COLGALT2: variants seen among roughly 807,000 people sequenced by gnomAD.
The protein encoded by COLGALT2 is collagen beta(1-O)galactosyltransferase 2.
In COLGALT2, 49 loss-of-function variants were observed where a neutral mutation model predicts 73.4. The ratio of observed to expected loss-of-function variants is 0.67; its 90% CI spans 0.53 to 0.85. The LOEUF is 0.85. Ranked by LOEUF, COLGALT2 falls within the 40% of genes least tolerant of loss-of-function variation. The pLI is 0.00. For synonymous variants in COLGALT2, 295 were observed against 307.6 expected (o/e 0.96, Z 0.43); for missense variants, 722 against 790.2 (o/e 0.91, Z 1.03).
At chr1:183,964,092 A>G (rs1670798495) in intron 5 of COLGALT2, 72 bp from the exon 6 acceptor site, 2 of 1,544,670 alleles carry the variant, frequency 1.3e-6, no homozygotes, top group African/African-American at 1.4e-5. Context: ...AGGAGAAGGA[A>G]CCTGAACTGT....
chr1:183,988,630 G>C (rs1472794724), intron 1 of COLGALT2, among the ~76,000 whole-genome samples: 1 of 152,124 alleles, frequency 6.6e-6, no homozygotes, highest in African/African-American at 2.4e-5. Context: ...TTTGCATACT[G>C]TTTTCAAGGT....
downstream of COLGALT2, among the ~76,000 whole-genome samples, chr1:183,932,088 T>C (rs984948355): frequency 6.6e-6 from 1 of 152,196 alleles, no homozygotes; most frequent in Non-Finnish European, 1.5e-5. Flanking sequence ...GCCAGCTTTA[T>C]GTATCAGGCT....
Position 184,010,821 on chromosome 1 carries a change from C to A in COLGALT2, c.263+26274G>T, listed in dbSNP as rs192838989. 1.0e-3 allele frequency among the ~76,000 whole-genome samples: 154 copies of A among 152,314 alleles called. 2 individuals carry two copies. The highest frequency in any genetic ancestry group is 3.2e-4 in the Non-Finnish European group (22 of 68,028). ...GCCTTTGCTCCAAAAGTACTGGCCA[C>A]CTTTCACAACGGCATCAATGGAATC... On this transcript the variant is annotated intron_variant, in intron 1 of 11. Transcript: ENST00000361927.
chr1:184,003,841 G>T (rs545110589), intron 1 of COLGALT2, among the ~76,000 whole-genome samples: 1 of 152,220 alleles, frequency 6.6e-6, no homozygotes, highest in Admixed American at 6.5e-5. Flanking sequence ...AGACAAGCAG[G>T]TCTGCCGGCT....
At chr1:183,968,844 C>T (rs1459445581) in intron 5 of COLGALT2, among the ~76,000 whole-genome samples, 1 of 152,234 alleles carries the variant, frequency 6.6e-6, no homozygotes, top group Non-Finnish European at 1.5e-5. Context: ...AACAAAGCCA[C>T]TACAGCAGCT....
chr1:183,941,417 G>GC (rs772631485), intron 10 of COLGALT2, among the ~76,000 whole-genome samples: 3 of 152,266 alleles, frequency 2.0e-5, no homozygotes, highest in East Asian at 3.9e-4. Context: ...TCTGAGAAAG[G>GC]CCCCCCAGGC....
At chr1:184,035,020 A>G (rs988659430) in intron 1 of COLGALT2, among the ~76,000 whole-genome samples, 1 of 152,226 alleles carries the variant, frequency 6.6e-6, no homozygotes, top group African/African-American at 2.4e-5. Flanking sequence ...TTTTCAAAGA[A>G]GAGTCTTCAA....
At position 183,944,155 on chromosome 1, in the gene COLGALT2, T is replaced by C. The variant is rs766516851; in HGVS notation, c.1397+41A>G. On this transcript the variant is annotated intron_variant, in intron 10 of 11. Transcript: ENST00000361927. ...TCTCTGCGCATTGGAAAGGACTGAGTGCCTCTCAGAGCCCTCTCGTAAGAT... is the reference window on the plus strand; with the variant it reads ...TCTCTGCGCATTGGAAAGGACTGAGCGCCTCTCAGAGCCCTCTCGTAAGAT... The C allele has an allele frequency of 1.9e-6, 3 of 1,580,944 alleles. No individual in the cohort carries two copies. In the East Asian group the frequency reaches 6.8e-5, roughly 36 times the overall value.
chr1:183,933,408 C>T (rs1007441555), downstream of COLGALT2, among the ~76,000 whole-genome samples: 1 of 152,228 alleles, frequency 6.6e-6, no homozygotes, highest in Non-Finnish European at 1.5e-5. Context: ...CAACTCTGCT[C>T]ATGGTTTCCT....
At chr1:184,011,572 C>T (rs1008419912) in intron 1 of COLGALT2, among the ~76,000 whole-genome samples, 2 of 152,168 alleles carry the variant, frequency 1.3e-5, no homozygotes, top group Admixed American at 6.5e-5. Flanking sequence ...GGTGCAAACC[C>T]GGCTTCCTTG....
At chr1:183,953,438 G>C (rs1437718047) in intron 7 of COLGALT2, among the ~76,000 whole-genome samples, 1 of 152,144 alleles carries the variant, frequency 6.6e-6, no homozygotes, top group Non-Finnish European at 1.5e-5. Flanking sequence ...ACCGGAACTG[G>C]AAGATCCTGG....
At chr1:183,982,554 G>A (rs1451787401) in intron 1 of COLGALT2, among the ~76,000 whole-genome samples, 1 of 152,138 alleles carries the variant, frequency 6.6e-6, no homozygotes, top group Admixed American at 6.5e-5. Flanking sequence ...TTAAAACTAA[G>A]CAAAACAAAA....
intron 11 of COLGALT2, chr1:183,930,404 TTA>T: frequency 9.8e-6 from 4 of 406,142 alleles, no homozygotes; most frequent in South Asian, 1.8e-5. Context: ...TAATTTAATT[TTA>T]TTTTTTGGAC....
intron 6 of COLGALT2, 112 bp from the exon 7 acceptor site, chr1:183,954,950 C>T (rs566632459): frequency 1.2e-6 from 1 of 805,584 alleles, no homozygotes; most frequent in African/African-American, 1.7e-5. Flanking sequence ...AAATACAGGG[C>T]AGGGGACAAT....
At chr1:183,981,129 T>G (rs1348162177) in intron 1 of COLGALT2, among the ~76,000 whole-genome samples, 1 of 152,136 alleles carries the variant, frequency 6.6e-6, no homozygotes, top group African/African-American at 2.4e-5. Context: ...GTACAGAAAT[T>G]TAGTATATGA....
chr1:183,974,128 G>A (rs1353221583), intron 3 of COLGALT2, among the ~76,000 whole-genome samples: 1 of 152,218 alleles, frequency 6.6e-6, no homozygotes, highest in Non-Finnish European at 1.5e-5. Context: ...AGATGGGCAT[G>A]CCTACTTAGC....
chr1:183,945,758 G>A (rs892655211), intron 8 of COLGALT2, 194 bp from the exon 9 acceptor site: 2 of 609,830 alleles, frequency 3.3e-6, no homozygotes, highest in Non-Finnish European at 5.6e-6. Context: ...AAGACAAGAG[G>A]GTATCATATT....
chr1:183,949,736 A>G (rs939188856), intron 8 of COLGALT2, among the ~76,000 whole-genome samples: 3 of 152,262 alleles, frequency 2.0e-5, no homozygotes, highest in Admixed American at 1.3e-4. Flanking sequence ...ATTGGATTTC[A>G]TCAAAATGAA....
intron 6 of COLGALT2, among the ~76,000 whole-genome samples, chr1:183,956,203 T>G (rs1057447572): frequency 2.0e-5 from 3 of 152,236 alleles, no homozygotes; most frequent in African/African-American, 7.2e-5. Flanking sequence ...TATGATCTGT[T>G]TAACTTCACT....
Sources: gnomAD v4.1 joint callset for allele counts (sites outside exome capture counted in the v4.1 genomes callset) on GRCh38, gnomAD v4.1.1 for gene constraint, MANE v1.5 for transcripts, NCBI Gene and HGNC (gene_info 2026-07-23, HGNC 2026-07-21) for gene names.